Variants in WNK2 observed in about 807,000 individuals in gnomAD.
WNK2 encodes WNK lysine deficient protein kinase 2, also known as serine/threonine-protein kinase WNK2.
WNK2 carries 67 observed loss-of-function variants against 192.1 expected under a neutral mutation model. The observed-to-expected ratio is 0.35, with a 90% CI of 0.29 to 0.43. The LOEUF is 0.43. WNK2 is among the 20% of genes least tolerant of loss of function. The pLI, the probability that WNK2 is intolerant of heterozygous loss-of-function variation, is 1.00. For missense variants in WNK2, 2,698 were observed against 3,089.7 expected, an observed-to-expected ratio of 0.87 and a Z score of 3.01; for synonymous variants, 1,439 against 1,393.9, an observed-to-expected ratio of 1.03 and a Z score of -0.72.
chr9:93,227,757 C>T (rs557865080), intron 2 of WNK2, among the ~76,000 whole-genome samples: 41 of 152,154 alleles, frequency 2.7e-4, no homozygotes, highest in Non-Finnish European at 3.8e-4. Flanking sequence ...GCCTCAGCCT[C>T]CCGAGTAGCT....
At chr9:93,185,668 T>C in intron 2 of WNK2, 58 bp downstream of exon 2, 1 of 1,554,306 alleles carries the variant, frequency 6.4e-7, no homozygotes, top group Non-Finnish European at 8.7e-7. Context: ...GAGTGCGTCC[T>C]TGGGCCTGTC....
At chr9:93,291,367 C>T (rs1849316642) in intron 21 of WNK2, among the ~76,000 whole-genome samples, 1 of 152,164 alleles carries the variant, frequency 6.6e-6, no homozygotes, top group Admixed American at 6.5e-5. Context: ...GAGTGTGGAA[C>T]TCATGGGGGA....
At chr9:93,303,542 G>T (rs1851978697) in intron 26 of WNK2, among the ~76,000 whole-genome samples, 1 of 152,190 alleles carries the variant, frequency 6.6e-6, no homozygotes, top group Non-Finnish European at 1.5e-5. Flanking sequence ...GAGAGTGCAT[G>T]CTCAGCGAGG....
At chr9:93,289,825 A>G (rs1849031344) in intron 20 of WNK2, among the ~76,000 whole-genome samples, 153 bp from the exon 21 acceptor site, 1 of 152,336 alleles carries the variant, frequency 6.6e-6, no homozygotes, top group African/African-American at 2.4e-5. Flanking sequence ...ATGCTTGTGC[A>G]GCGTCAGGTG....
chr9:93,190,323 A>G lies in WNK2; in HGVS notation c.681+4713A>G, dbSNP rs564161175. ...ACAGCAGCCTGTGCAGGTCACCGTC[A>G]TGGGGGACACATTGAGGCTGAGGCA... On this transcript the variant is annotated intron_variant, in intron 2 of 29. Coordinates refer to ENST00000427277, the MANE Select transcript of WNK2 (RefSeq NM_006648.4). 5.8e-4 allele frequency among the ~76,000 whole-genome samples: 88 copies of G among 152,300 alleles called. 1 individual carries two copies. Among genetic ancestry groups the G allele is most frequent in the Non-Finnish European group, 7.1e-4 (48 of 68,022 alleles).
intron 2 of WNK2, among the ~76,000 whole-genome samples, chr9:93,212,325 G>A (rs191223705): frequency 9.1e-4 from 139 of 152,334 alleles, no homozygotes; most frequent in African/African-American, 3.2e-3. Flanking sequence ...CTGTTGCCGG[G>A]CTTGGTGTGG....
intron 23 of WNK2, among the ~76,000 whole-genome samples, chr9:93,296,877 C>T (rs1379239139): frequency 7.9e-6 from 1 of 126,036 alleles, no homozygotes; most frequent in Non-Finnish European, 1.7e-5. Context: ...CCCTCCGCAC[C>T]CTCCCCTCCG....
intron 7 of WNK2, among the ~76,000 whole-genome samples, 195 bp downstream of exon 7, chr9:93,240,171 G>C (rs1373436847): frequency 6.6e-6 from 1 of 152,188 alleles, no homozygotes; most frequent in Non-Finnish European, 1.5e-5. Context: ...GGTCTGCACA[G>C]GGGTGGCCTA....
At chr9:93,262,878 C>T in intron 14 of WNK2, among the ~76,000 whole-genome samples, 159 bp downstream of exon 14, 1 of 152,356 alleles carries the variant, frequency 6.6e-6, no homozygotes, top group African/African-American at 2.4e-5. Context: ...AGCCTCAGGG[C>T]CCTCCTCTCT....
chr9:93,210,641 C>T (rs1834331112), intron 2 of WNK2, among the ~76,000 whole-genome samples: 1 of 152,180 alleles, frequency 6.6e-6, no homozygotes, highest in Non-Finnish European at 1.5e-5. Context: ...AGCCCGCAGG[C>T]TCCACTCTGC....
At chr9:93,251,335 T>C (rs985937727) in intron 8 of WNK2, among the ~76,000 whole-genome samples, 1 of 150,914 alleles carries the variant, frequency 6.6e-6, no homozygotes, top group African/African-American at 2.4e-5. Flanking sequence ...GCCAGGCTGG[T>C]CTCAAACCCC....
In WNK2 at chr9:93,229,819, C is replaced by T. The variant is rs375860343; in HGVS notation, c.805C>T (p.Arg269Trp). The T allele has an allele frequency of 1.1e-4, 182 of 1,613,942 alleles. 1 individual carries two copies. Among genetic ancestry groups the T allele is most frequent in the Middle Eastern group, 5.0e-4 (3 of 6,060 alleles). The change falls in exon 3 of 30, where the codon CGG (arginine) becomes TGG (tryptophan). Residue 269 changes from arginine to tryptophan, a missense_variant. Arg to Trp is a moderately radical substitution (Grantham distance 101). Transcript: ENST00000427277. The surrounding 1 kb of genome is among the most constrained non-coding windows in gnomAD (Gnocchi z 4.9). ...CTGGGAGTCCAGCGCCAAGGGCAAGCGGTGCATTGTGCTGGTGACGGAGCT... is the reference window on the plus strand; with the variant it reads ...CTGGGAGTCCAGCGCCAAGGGCAAGTGGTGCATTGTGCTGGTGACGGAGCT... ...DFWESSAKGK[R>W]CIVLVTELMT...
Position 93,292,756 on chromosome 9 carries a change from G to A in WNK2, c.5291G>A (p.Ser1764Asn). ...GAGTGGACCCTGGCCTCCCCCCACAGCCTGAGATACTCTGCCCCACCCGAC... is the reference window on the plus strand; with the variant it reads ...GAGTGGACCCTGGCCTCCCCCCACAACCTGAGATACTCTGCCCCACCCGAC... The part of the protein sequence containing the change: ...QDEWTLASPH[S>N]LRYSAPPDVY... Residue 1764 changes from serine to asparagine, a missense_variant, in exon 23 of 30, where the codon AGC becomes AAC. Coordinates refer to ENST00000427277, the MANE Select transcript of WNK2 (RefSeq NM_006648.4). 2 of 1,563,394 alleles carry A rather than the reference G, an allele frequency of 1.3e-6. No homozygotes were observed. Among genetic ancestry groups the A allele is most frequent in the Non-Finnish European group, 1.7e-6 (2 of 1,155,162 alleles).
chr9:93,248,406 C>T (rs1842087031), intron 8 of WNK2, among the ~76,000 whole-genome samples: 1 of 152,242 alleles, frequency 6.6e-6, no homozygotes, highest in South Asian at 2.1e-4. Flanking sequence ...GGAGCCAGTT[C>T]AGTCCCACTC....
intron 2 of WNK2, among the ~76,000 whole-genome samples, chr9:93,212,090 G>A (rs1834899844): frequency 1.3e-5 from 2 of 152,082 alleles, no homozygotes. Flanking sequence ...ATTCATCATC[G>A]GTTCCCTCAC....
At chr9:93,192,142 C>T (rs770876263) in intron 2 of WNK2, among the ~76,000 whole-genome samples, 1 of 151,746 alleles carries the variant, frequency 6.6e-6, no homozygotes, top group Non-Finnish European at 1.5e-5. Context: ...GGTGAAACCC[C>T]GTCTGTACTA....
Position 93,261,799 on chromosome 9 carries a change from C to A in WNK2, c.3067-15C>A. On this transcript the variant is annotated splice_polypyrimidine_tract_variant and intron_variant, in intron 12 of 29. Coordinates refer to ENST00000427277, the MANE Select transcript of WNK2 (RefSeq NM_006648.4). ...GCGCCGGCCCTGACTTGCACCTTGT[C>A]CCCTGTGCCCCCAGATTCTGCTTGG... 6.3e-7 allele frequency: 1 copy of A among 1,578,484 alleles called. No individual in the cohort carries two copies. The highest frequency in any genetic ancestry group is 8.6e-7 in the Non-Finnish European group (1 of 1,164,900).
In WNK2 at chr9:93,252,988, CGGCCCA is replaced by C. The variant is rs1471367972; in HGVS notation, c.1942_1947del (p.Ala648_Gln649del). The C allele has an allele frequency of 2.6e-6, 4 of 1,566,150 alleles. No individual in the cohort carries two copies. In the African/African-American group the frequency reaches 5.4e-5, roughly 21 times the overall value. On this transcript the variant is annotated inframe_deletion, in exon 9 of 30. Transcript: ENST00000427277. ...TCCCTTGCCGACGCAGCGCCGTCCC[CGGCCCA>C]GTGTGTGTGCAGCCCCCCTGTGAGC... is the stretch of plus-strand genomic sequence containing the variant.
chr9:93,318,092 TGTC>T, intron 29 of WNK2: 1 of 1,593,396 alleles, frequency 6.3e-7, no homozygotes, highest in Non-Finnish European at 8.6e-7. Context: ...GTTAGAACCT[TGTC>T]GTCACCCTGC....
Sources: allele counts gnomAD v4.1 joint callset (sites outside exome capture counted in the v4.1 genomes callset), GRCh38; gene constraint gnomAD v4.1.1; non-coding constraint Gnocchi (gnomAD v3.1); transcripts MANE v1.5; gene names NCBI Gene and HGNC (gene_info 2026-07-23, HGNC 2026-07-21).